The following TBC1D2B variants were observed in gnomAD, a reference collection of about 807,000 sequenced individuals.
TBC1D2B encodes the protein TBC1 domain family, member 2B.
TBC1D2B carries 64 observed loss-of-function variants against 100.8 expected under a neutral mutation model. That is an observed-to-expected ratio of 0.64 (90% CI 0.52 to 0.78). TBC1D2B has a LOEUF of 0.78. Ranked by LOEUF, TBC1D2B falls within the 30% of genes least tolerant of loss-of-function variation. The pLI is 0.00. For missense variants in TBC1D2B, 1,052 were observed against 1,218.4 expected, an observed-to-expected ratio of 0.86 and a Z score of 2.03; for synonymous variants, 480 against 479.7, an observed-to-expected ratio of 1.00 and a Z score of -0.01.
Position 78,025,154 on chromosome 15 carries a change from C to G in TBC1D2B, c.1086+105G>C. On this transcript the variant is annotated intron_variant, in intron 5 of 12. Coordinates refer to ENST00000300584, the MANE Select transcript of TBC1D2B (RefSeq NM_144572.2). ...CAGGGGAAAAGCAACTCCTGGGAAA[C>G]AAAGCTGTCCCCAGAAAGACTCAGG... The G allele has an allele frequency of 3.1e-6, 3 of 973,318 alleles. No individual in the cohort carries two copies. The South Asian group carries it at 4.8e-5, about 16-fold the overall frequency. The allele number at this position is 973,318 out of a possible 1,614,324, so 60.3% of individuals were successfully genotyped here. A position where few individuals can be genotyped will look rare whatever the true frequency, so the allele number is the denominator to read the frequency against.
intron 4 of TBC1D2B, among the ~76,000 whole-genome samples, chr15:78,026,597 A>G (rs867674393): frequency 4.6e-5 from 7 of 152,178 alleles, no homozygotes; most frequent in African/African-American, 1.4e-4. Context: ...GTTTTAAAGC[A>G]TAACTAGATT....
At chr15:78,044,844 T>A in intron 3 of TBC1D2B, 56 bp downstream of exon 3, 2 of 1,423,208 alleles carry the variant, frequency 1.4e-6, no homozygotes, top group Non-Finnish European at 1.9e-6. Context: ...AATTATAACA[T>A]ACATTATCAG....
intron 1 of TBC1D2B, among the ~76,000 whole-genome samples, chr15:78,063,652 C>T (rs2073594973): frequency 6.6e-6 from 1 of 152,174 alleles, no homozygotes; most frequent in Non-Finnish European, 1.5e-5. Flanking sequence ...TGGTTCCACT[C>T]TTAATCACAA....
rs2073166321 is a variant in TBC1D2B, at chr15:78,044,986, C to T, written c.597G>A (p.Val199=). 5.6e-6 allele frequency: 9 copies of T among 1,613,804 alleles called. No individual in the cohort carries two copies. The highest frequency in any genetic ancestry group is 2.7e-5 in the African/African-American group (2 of 75,040). Residue 199 remains valine (V), a synonymous_variant, in exon 3 of 13, where the codon GTG becomes GTA. Transcript: ENST00000300584. ...CGGGCTGATTTGCAGCTTGTTCTCC[C>T]ACCAGCTCTCCAGGCACAGTCTCCA... ...LAVETVPGEL[V]GEQAANQPAP... is the part of the protein sequence containing the mutation.
At chr15:78,033,215 G>C (rs1363142179) in intron 3 of TBC1D2B, among the ~76,000 whole-genome samples, 1 of 152,170 alleles carries the variant, frequency 6.6e-6, no homozygotes, top group African/African-American at 2.4e-5. Flanking sequence ...TGAGCAGTCG[G>C]TAAGTGGAGT....
At chr15:78,073,349 T>C (rs1407647773) in intron 1 of TBC1D2B, among the ~76,000 whole-genome samples, 1 of 152,208 alleles carries the variant, frequency 6.6e-6, no homozygotes, top group Non-Finnish European at 1.5e-5. Flanking sequence ...AAGACACTTT[T>C]AAATAAGAAA....
Position 78,013,083 on chromosome 15 carries a change from C to T in TBC1D2B, c.2010G>A (p.Lys670=), listed in dbSNP as rs146036476. ...GACGGTCCACACACCACTTCCACAC[C>T]TTGGAACGGTGCTCGTGGGGAATGC... is the stretch of plus-strand genomic sequence containing the variant. ...RAGIPHEHRS[K]VWKWCVDRHT... is the part of the protein sequence containing the mutation. The change falls in exon 9 of 13, where the codon AAG becomes AAA. Residue 670 remains lysine (K), a synonymous_variant. Coordinates refer to ENST00000300584, the MANE Select transcript of TBC1D2B (RefSeq NM_144572.2). 1 of 1,614,002 alleles carries T rather than the reference C, an allele frequency of 6.2e-7. No homozygotes were observed. The highest frequency in any genetic ancestry group is 8.5e-7 in the Non-Finnish European group (1 of 1,179,878).
chr15:78,012,852 T>G lies in TBC1D2B; in HGVS notation c.2241A>C (p.Pro747=). ...TTAGGCCTTGACAGTAGCCGATATC[T>G]GGATTCCGCCAGGAGAAGGCGAGGA... is the stretch of plus-strand genomic sequence containing the variant. ...NVLLAFSWRN[P]DIGYCQGLNR... Residue 747 remains proline (P), a synonymous_variant, in exon 9 of 13, where the codon CCA becomes CCC. Coordinates refer to ENST00000300584, the MANE Select transcript of TBC1D2B (RefSeq NM_144572.2). 6.6e-7 allele frequency: 1 copy of G among 1,514,368 alleles called. No homozygotes were observed. The highest frequency in any genetic ancestry group is 1.4e-5 in the South Asian group (1 of 73,548). The allele number at this position is 1,514,368 out of a possible 1,614,324, so 93.8% of individuals were successfully genotyped here.
intron 9 of TBC1D2B, among the ~76,000 whole-genome samples, chr15:78,011,125 G>A (rs1049619462): frequency 4.6e-5 from 7 of 152,102 alleles, no homozygotes; most frequent in African/African-American, 1.7e-4. Context: ...TTTTAAAAGT[G>A]GAGACTGTCT....
chr15:78,068,349 G>A (rs17477813), intron 1 of TBC1D2B, among the ~76,000 whole-genome samples: 103,926 of 150,418 alleles, frequency 0.69, 35,953 homozygotes, highest in East Asian at 0.87. Context: ...ACAAACGTCC[G>A]TTTCACCATG....
intron 10 of TBC1D2B, 51 bp from the exon 11 acceptor site, chr15:78,003,541 G>C: frequency 6.8e-7 from 1 of 1,476,274 alleles, no homozygotes; most frequent in Non-Finnish European, 9.4e-7. Context: ...AGGTCACCGG[G>C]TAAGCAGACG....
intron 1 of TBC1D2B, among the ~76,000 whole-genome samples, chr15:78,056,686 C>CT (rs368714497): frequency 0.015 from 1,712 of 112,600 alleles, 71 homozygotes; most frequent in South Asian, 0.027. Context: ...CAGTCCTCCT[C>CT]TTTTTTTTTT....
chr15:78,005,405 T>C (rs1475770123), intron 10 of TBC1D2B, among the ~76,000 whole-genome samples: 1 of 152,156 alleles, frequency 6.6e-6, no homozygotes, highest in Non-Finnish European at 1.5e-5. Flanking sequence ...CTCGGGCACT[T>C]GGTTCTGGCA....
chr15:78,063,376 G>A (rs1316865845), intron 1 of TBC1D2B, among the ~76,000 whole-genome samples: 2 of 152,204 alleles, frequency 1.3e-5, no homozygotes, highest in African/African-American at 4.8e-5. Flanking sequence ...GGATGAGAGA[G>A]CATGTCCAAG....
In TBC1D2B at chr15:78,077,628, C is replaced by A. The variant is rs1237402962; in HGVS notation, c.25G>T (p.Glu9Ter). The A allele has an allele frequency of 1.2e-5, 12 of 1,001,364 alleles. No individual in the cohort carries two copies. Among genetic ancestry groups the A allele is most frequent in the Non-Finnish European group, 1.4e-5 (12 of 840,516 alleles). 62.0% of individuals were successfully genotyped at this position (1,001,364 alleles called of 1,614,324 possible). A position where few individuals can be genotyped will look rare whatever the true frequency, so the allele number is the denominator to read the frequency against. Residue 9 changes from glutamate (E) to a stop codon, truncating the protein, a stop_gained, in exon 1 of 13, where the codon GAG becomes TAG. Transcript: ENST00000300584. LOFTEE classifies it high-confidence loss of function. MPGAGARA[E>*]EGGGGGEGAA... ...CCCTCGCCGCCGCCGCCGCCCTCCT[C>A]CGCCCGGGCTCCGGCCCCCGGCATC...
rs2141805160 is a variant in TBC1D2B, at chr15:78,054,121, T to TA, written c.426dup (p.Asn143Ter). ...TCCCACTTGACCATGTCAAGACTGTTACAATATTCCCATCTCTTCTGCTGA... is the reference window on the plus strand; with the variant it reads ...TCCCACTTGACCATGTCAAGACTGTTAACAATATTCCCATCTCTTCTGCTGA... On this transcript the variant is annotated frameshift_variant, in exon 2 of 13. Coordinates refer to ENST00000300584, the MANE Select transcript of TBC1D2B (RefSeq NM_144572.2). LOFTEE classifies it high-confidence loss of function. 1 of 1,613,960 alleles carries TA rather than the reference T, an allele frequency of 6.2e-7. No individual in the cohort carries two copies. The highest frequency in any genetic ancestry group is 1.7e-5 in the Admixed American group (1 of 60,024).
At chr15:78,015,898 G>C (rs1266772134) in intron 8 of TBC1D2B, among the ~76,000 whole-genome samples, 1 of 152,156 alleles carries the variant, frequency 6.6e-6, no homozygotes, top group Non-Finnish European at 1.5e-5. Context: ...GAAGGGAAAG[G>C]TCATGTCAAA....
intron 3 of TBC1D2B, among the ~76,000 whole-genome samples, chr15:78,033,099 G>A (rs925669992): frequency 7.2e-5 from 11 of 152,136 alleles, no homozygotes; most frequent in African/African-American, 2.4e-4. Flanking sequence ...AAAGTTTTAA[G>A]TATAACCCTA....
chr15:78,012,176 G>C (rs561570983), intron 9 of TBC1D2B, among the ~76,000 whole-genome samples: 4 of 152,218 alleles, frequency 2.6e-5, no homozygotes, highest in Non-Finnish European at 5.9e-5. Flanking sequence ...CGCCAGCCAG[G>C]TAAGAAGCAG....
Sources: allele counts gnomAD v4.1 joint callset (sites outside exome capture counted in the v4.1 genomes callset), GRCh38; gene constraint gnomAD v4.1.1; transcripts MANE v1.5; gene names NCBI Gene and HGNC (gene_info 2026-07-23, HGNC 2026-07-21).